C12orf42: variants seen among roughly 807,000 people sequenced by gnomAD.
The protein encoded by C12orf42 is chromosome 12 open reading frame 42.
Under a neutral mutation model 21.6 loss-of-function variants are expected in C12orf42, and 25 were observed. That is an observed-to-expected ratio of 1.16 (90% CI 0.84 to 1.62). The LOEUF is 1.62. Ranked by LOEUF, C12orf42 falls within the 40% of genes most tolerant of loss-of-function variation. The pLI, the probability that C12orf42 is intolerant of heterozygous loss-of-function variation, is 0.00. For synonymous variants in C12orf42, 174 were observed against 175.0 expected (o/e 0.99, Z 0.05); for missense variants, 483 against 459.3 (o/e 1.05, Z -0.47).
intron 1 of C12orf42, among the ~76,000 whole-genome samples, chr12:103,484,746 T>G (rs1954707953): frequency 6.6e-6 from 1 of 152,170 alleles, no homozygotes; most frequent in African/African-American, 2.4e-5. Context: ...GCCTATGTCC[T>G]GAACAGTATT....
chr12:103,210,438 T>C, the C12orf42 span, among the ~76,000 whole-genome samples: 2 of 152,136 alleles, frequency 1.3e-5, no homozygotes, highest in African/African-American at 4.8e-5. Flanking sequence ...TACGTACATT[T>C]TCTACCACTT....
chr12:103,349,805 G>C (rs1439055504), intron 4 of C12orf42, among the ~76,000 whole-genome samples: 2 of 151,984 alleles, frequency 1.3e-5, no homozygotes, highest in Non-Finnish European at 2.9e-5. Context: ...ATACGCAAAG[G>C]ATCAGGAAAC....
chr12:103,434,008 C>T (rs1361653113), intron 2 of C12orf42, among the ~76,000 whole-genome samples: 1 of 152,140 alleles, frequency 6.6e-6, no homozygotes, highest in African/African-American at 2.4e-5. Context: ...CTTGGTTCTC[C>T]TGAATGCTCT....
chr12:103,221,097 T>C, the C12orf42 span, among the ~76,000 whole-genome samples: 1 of 152,196 alleles, frequency 6.6e-6, no homozygotes, highest in Non-Finnish European at 1.5e-5. Context: ...ATTCAGGAAA[T>C]ACTTGTCTTA....
At chr12:103,049,677 C>T in the C12orf42 span, among the ~76,000 whole-genome samples, 1 of 152,272 alleles carries the variant, frequency 6.6e-6, no homozygotes, top group African/African-American at 2.4e-5. Context: ...TACTCTTTCC[C>T]TTGTTCACTC....
the C12orf42 span, among the ~76,000 whole-genome samples, chr12:103,153,833 T>C: frequency 6.6e-6 from 1 of 151,982 alleles, no homozygotes; most frequent in Non-Finnish European, 1.5e-5. Context: ...TTCATACATA[T>C]ACTCACCAGA....
chr12:103,411,644 C>T (rs551980942), intron 2 of C12orf42, among the ~76,000 whole-genome samples: 1 of 152,156 alleles, frequency 6.6e-6, no homozygotes, highest in African/African-American at 2.4e-5. Flanking sequence ...TTATCTTCTT[C>T]TGCCATGGGA....
At chr12:103,127,550 A>C in the C12orf42 span, among the ~76,000 whole-genome samples, 1 of 152,182 alleles carries the variant, frequency 6.6e-6, no homozygotes, top group African/African-American at 2.4e-5. Flanking sequence ...AGAGAGAAAG[A>C]GGGAGAGAGA....
chr12:103,185,340 T>A, the C12orf42 span, among the ~76,000 whole-genome samples: 1 of 152,288 alleles, frequency 6.6e-6, no homozygotes, highest in South Asian at 2.1e-4. Context: ...GAGTCACAGG[T>A]ACTTCAGGTA....
intron 1 of C12orf42, among the ~76,000 whole-genome samples, chr12:103,484,598 T>C (rs1423459351): frequency 6.6e-6 from 1 of 152,074 alleles, no homozygotes; most frequent in African/African-American, 2.4e-5. Flanking sequence ...TTTTCTCCCA[T>C]TCTGTAGGTT....
At chr12:103,525,892 G>A in the C12orf42 span, among the ~76,000 whole-genome samples, 1 of 152,286 alleles carries the variant, frequency 6.6e-6, no homozygotes. Flanking sequence ...GCTGGGCGTG[G>A]TGGTGGGCAC....
chr12:103,170,582 A>T, the C12orf42 span, among the ~76,000 whole-genome samples: 1 of 38,490 alleles, frequency 2.6e-5, no homozygotes, highest in Non-Finnish European at 5.7e-5. Flanking sequence ...TGATCCTTTA[A>T]AAAAAAAAGC....
chr12:103,558,520 T>A, the C12orf42 span: 1 of 152,266 alleles, frequency 6.6e-6, no homozygotes, highest in African/African-American at 2.4e-5. Flanking sequence ...ATCTCTCAGA[T>A]CTCCTTTGCA....
At chr12:103,531,516 CAA>C in the C12orf42 span, among the ~76,000 whole-genome samples, 1,005 of 152,214 alleles carry the variant, frequency 6.6e-3, 13 homozygotes, top group South Asian at 0.044. Flanking sequence ...CAAAAGAAAG[CAA>C]AGAGTTGGGT....
At chr12:103,542,033 G>A in the C12orf42 span, among the ~76,000 whole-genome samples, 2 of 152,154 alleles carry the variant, frequency 1.3e-5, no homozygotes, top group Non-Finnish European at 2.9e-5. Context: ...CTTCATTGAA[G>A]GCAATGAGAC....
chr12:103,426,164 G>A (rs10778246), intron 2 of C12orf42, among the ~76,000 whole-genome samples: 95,882 of 152,000 alleles, frequency 0.63, 31,043 homozygotes, highest in Admixed American at 0.73. Context: ...AAACTCCTCC[G>A]AGCTAAAGGA....
chr12:103,408,448 C>A (rs1473385011), intron 2 of C12orf42, among the ~76,000 whole-genome samples: 3 of 152,134 alleles, frequency 2.0e-5, no homozygotes, highest in Non-Finnish European at 4.4e-5. Flanking sequence ...TCAAAAGCAT[C>A]AGCTCCTAAT....
intron 4 of C12orf42, among the ~76,000 whole-genome samples, chr12:103,290,059 G>A (rs1288634625): frequency 1.3e-5 from 2 of 152,166 alleles, no homozygotes; most frequent in Admixed American, 1.3e-4. Flanking sequence ...TCTAAAGAGA[G>A]AAGTGGAAGG....
chr12:103,125,511 T>A, the C12orf42 span, among the ~76,000 whole-genome samples: 1 of 151,770 alleles, frequency 6.6e-6, no homozygotes, highest in African/African-American at 2.4e-5. Flanking sequence ...AATCTGCGCA[T>A]TTTTTTAAAA....
Sources: allele counts gnomAD v4.1 joint callset (sites outside exome capture counted in the v4.1 genomes callset), GRCh38; gene constraint gnomAD v4.1.1; transcripts MANE v1.5; gene names NCBI Gene and HGNC (gene_info 2026-07-23, HGNC 2026-07-21).